The following CFTR variants were observed in gnomAD, a reference collection of about 807,000 sequenced individuals.
The protein encoded by CFTR is cystic fibrosis transmembrane conductance regulator.
In CFTR, 181 loss-of-function variants were observed where a neutral mutation model predicts 171.6. That is an observed-to-expected ratio of 1.05 (90% CI 0.93 to 1.19). The LOEUF is 1.19. Ranked by LOEUF, CFTR falls within the 50% of genes most tolerant of loss-of-function variation. The pLI is 0.00. For missense variants in CFTR, 1,968 were observed against 1,734.7 expected, an observed-to-expected ratio of 1.13 and a Z score of -2.39; for synonymous variants, 583 against 608.0, an observed-to-expected ratio of 0.96 and a Z score of 0.60.
At chr7:117,531,455 A>G (rs1356557102) in intron 4 of CFTR, among the ~76,000 whole-genome samples, 1 of 152,100 alleles carries the variant, frequency 6.6e-6, no homozygotes, top group Non-Finnish European at 1.5e-5. Flanking sequence ...TCTTATAGTA[A>G]AATGCCACAT....
intron 21 of CFTR, among the ~76,000 whole-genome samples, chr7:117,623,190 A>T (rs1039580162): frequency 2.6e-5 from 4 of 152,192 alleles, no homozygotes; most frequent in African/African-American, 9.7e-5. Context: ...ACAAATGAAG[A>T]ATGGGGTTCA....
chr7:117,526,006 T>C (rs901717774), intron 3 of CFTR, among the ~76,000 whole-genome samples: 92 of 148,896 alleles, frequency 6.2e-4, no homozygotes, highest in African/African-American at 2.2e-3. Flanking sequence ...GGCATGATTT[T>C]GCAGTGGCTG....
intron 19 of CFTR, 152 bp downstream of exon 19, chr7:117,610,821 G>A: frequency 1.3e-6 from 1 of 744,882 alleles, no homozygotes; most frequent in Non-Finnish European, 2.2e-6. Flanking sequence ...GTATATAAAA[G>A]GAAACTATAT....
chr7:117,511,565 A>G (rs1798518996), intron 3 of CFTR, among the ~76,000 whole-genome samples: 1 of 152,140 alleles, frequency 6.6e-6, no homozygotes, highest in African/African-American at 2.4e-5. Context: ...AACCAATGGA[A>G]TATTGGTGAG....
chr7:117,500,662 T>C (rs374888115), intron 1 of CFTR, among the ~76,000 whole-genome samples: 27 of 152,188 alleles, frequency 1.8e-4, no homozygotes, highest in East Asian at 9.6e-4. Flanking sequence ...AAGATGACTC[T>C]GTGGTCATTG....
chr7:117,512,762 T>C (rs1798539767), intron 3 of CFTR, among the ~76,000 whole-genome samples: 1 of 151,546 alleles, frequency 6.6e-6, no homozygotes, highest in Non-Finnish European at 1.5e-5. Context: ...AGCAGATTGG[T>C]GAGAGAATAT....
intron 3 of CFTR, among the ~76,000 whole-genome samples, chr7:117,511,845 T>C (rs1798523955): frequency 6.6e-6 from 1 of 152,198 alleles, no homozygotes; most frequent in Non-Finnish European, 1.5e-5. Flanking sequence ...TTTTTGTCTC[T>C]TATAAGAATA....
chr7:117,651,974 TA>T (rs1009653387), intron 23 of CFTR, among the ~76,000 whole-genome samples: 9 of 152,062 alleles, frequency 5.9e-5, no homozygotes, highest in Admixed American at 2.6e-4. Flanking sequence ...AAAAAAAGGG[TA>T]AAAAAAATAT....
At chr7:117,610,853 T>G in intron 19 of CFTR, among the ~76,000 whole-genome samples, 184 bp downstream of exon 19, 1 of 152,244 alleles carries the variant, frequency 6.6e-6, no homozygotes, top group African/African-American at 2.4e-5. Context: ...CATGGATTTT[T>G]TTTCTTAATT....
intron 11 of CFTR, 87 bp from the exon 12 acceptor site, chr7:117,587,652 A>G: frequency 1.2e-6 from 1 of 800,166 alleles, no homozygotes; most frequent in Non-Finnish European, 2.2e-6. Flanking sequence ...AGTGTGATAT[A>G]TGATTACATT....
intron 3 of CFTR, among the ~76,000 whole-genome samples, chr7:117,522,768 G>A (rs1798703597): frequency 6.6e-6 from 1 of 152,068 alleles, no homozygotes; most frequent in Admixed American, 6.6e-5. Flanking sequence ...TCATTCTGGG[G>A]ATAATTTTTG....
chr7:117,482,550 C>A (rs1165694216), intron 1 of CFTR, among the ~76,000 whole-genome samples: 3 of 151,866 alleles, frequency 2.0e-5, no homozygotes, highest in African/African-American at 7.3e-5. Flanking sequence ...ACTATCAGAG[C>A]AAACAAGTAC....
At position 117,587,734 on chromosome 7, in the gene CFTR, A is replaced by C. The variant is rs1791962439; in HGVS notation, c.1585-5A>C. On this transcript the variant is annotated splice_polypyrimidine_tract_variant and splice_region_variant and intron_variant, in intron 11 of 26. Coordinates refer to ENST00000003084, the MANE Select transcript of CFTR (RefSeq NM_000492.4). ...GACTCTCTAATTTTCTATTTTTGGTAATAGGACATCTCCAAGTTTGCAGAG... is the reference window on the plus strand; with the variant it reads ...GACTCTCTAATTTTCTATTTTTGGTCATAGGACATCTCCAAGTTTGCAGAG... 1 of 1,570,672 alleles carries C rather than the reference A, an allele frequency of 6.4e-7. No homozygotes were observed. Among genetic ancestry groups the C allele is most frequent in the African/African-American group, 1.3e-5 (1 of 74,116 alleles).
At chr7:117,571,381 C>G (rs1791684822) in intron 11 of CFTR, among the ~76,000 whole-genome samples, 1 of 152,118 alleles carries the variant, frequency 6.6e-6, no homozygotes, top group Non-Finnish European at 1.5e-5. Context: ...TGGATTTATT[C>G]TAGCATTTTA....
At chr7:117,514,230 A>G (rs1798565308) in intron 3 of CFTR, among the ~76,000 whole-genome samples, 1 of 151,782 alleles carries the variant, frequency 6.6e-6, no homozygotes, top group Non-Finnish European at 1.5e-5. Context: ...TGTGCGGAAC[A>G]TGCAGGTTTG....
chr7:117,508,939 A>T, intron 2 of CFTR, 95 bp from the exon 3 acceptor site: 1 of 824,690 alleles, frequency 1.2e-6, no homozygotes. Context: ...ATCTCCTTGG[A>T]TATACTTGTG....
chr7:117,530,990 A>G lies in CFTR; in HGVS notation c.365A>G (p.Tyr122Cys), dbSNP rs377295859. Reference protein sequence around the residue: ...DNKEERSIAIYLGIGLCLLFI... With the variant: ...DNKEERSIAICLGIGLCLLFI... ...AAGGAGGAACGCTCTATCGCGATTT[A>G]TCTAGGCATAGGCTTATGCCTTCTC... is the stretch of plus-strand genomic sequence containing the variant. Residue 122 changes from tyrosine (Y) to cysteine (C), a missense_variant, in exon 4 of 27, where the codon TAT becomes TGT. Coordinates refer to ENST00000003084, the MANE Select transcript of CFTR (RefSeq NM_000492.4). The G allele has an allele frequency of 3.1e-5, 50 of 1,613,352 alleles. No individual in the cohort carries two copies. The highest frequency in any genetic ancestry group is 4.1e-5 in the Non-Finnish European group (48 of 1,179,566).
intron 21 of CFTR, among the ~76,000 whole-genome samples, chr7:117,621,220 G>T (rs1792574513): frequency 6.6e-6 from 1 of 152,174 alleles, no homozygotes. Context: ...AATTTTAAAA[G>T]TGCTCCAGGT....
chr7:117,588,054 C>G (rs1443536370), intron 12 of CFTR, among the ~76,000 whole-genome samples: 1 of 151,982 alleles, frequency 6.6e-6, no homozygotes, highest in Non-Finnish European at 1.5e-5. Flanking sequence ...GTGCCCGTAT[C>G]TTGGTGTCAG....
Sources: allele counts gnomAD v4.1 joint callset (sites outside exome capture counted in the v4.1 genomes callset), GRCh38; gene constraint gnomAD v4.1.1; transcripts MANE v1.5; gene names NCBI Gene and HGNC (gene_info 2026-07-23, HGNC 2026-07-21).